Variants in IQSEC1 observed in about 807,000 individuals in gnomAD.
IQSEC1 encodes the protein IQ motif and Sec7 domain ArfGEF 1, also known as IQ motif and SEC7 domain-containing protein 1.
IQSEC1 carries 31 observed loss-of-function variants against 91.0 expected under a neutral mutation model. The ratio of observed to expected loss-of-function variants is 0.34; its 90% CI spans 0.26 to 0.46. The LOEUF is 0.46. Among genes scored for constraint, IQSEC1 ranks in the 20% least tolerant of loss-of-function variants. The probability of loss-of-function intolerance (pLI) is 1.00; values close to 1 mark genes in which losing one functional copy is unlikely to be tolerated. For synonymous variants in IQSEC1, 699 were observed against 662.6 expected (o/e 1.05, Z -0.84); for missense variants, 1,388 against 1,575.6 (o/e 0.88, Z 2.02).
chr3:13,028,878 G>A (rs139298782), intron 1 of IQSEC1, among the ~76,000 whole-genome samples: 3,104 of 152,328 alleles, frequency 0.02, 84 homozygotes, highest in African/African-American at 0.069. Context: ...TAAGGAAGCC[G>A]CAGATCTGGG....
In IQSEC1 at chr3:12,970,696, C is replaced by A. The variant is rs2125540427; in HGVS notation, c.24-28831G>T. Among the ~76,000 whole-genome samples, 1 of 152,324 alleles carries A rather than the reference C, an allele frequency of 6.6e-6. No individual in the cohort carries two copies. Among genetic ancestry groups the A allele is most frequent in the Non-Finnish European group, 1.5e-5 (1 of 68,022 alleles). On this transcript the variant is annotated intron_variant, in intron 1 of 13. Coordinates refer to ENST00000613206, the MANE Select transcript of IQSEC1 (RefSeq NM_001134382.3). This position sits in a 1 kb window ranked among gnomAD's most constrained non-coding sequence, Gnocchi z 4.4. ...AAGCTTCTTTCAGTTCCCCACACTCCCCACTGTGCCTGGCTCACAGCTAGG... is the reference window on the plus strand; with the variant it reads ...AAGCTTCTTTCAGTTCCCCACACTCACCACTGTGCCTGGCTCACAGCTAGG...
intron 1 of IQSEC1, among the ~76,000 whole-genome samples, chr3:13,048,942 G>A (rs1420226226): frequency 6.6e-6 from 1 of 152,192 alleles, no homozygotes; most frequent in Non-Finnish European, 1.5e-5. Flanking sequence ...CTCTACCTGT[G>A]TGGCAGCCAT....
At chr3:13,102,828 C>T (rs1015103712) in intron 2 of IQSEC1, among the ~76,000 whole-genome samples, 43 of 152,286 alleles carry the variant, frequency 2.8e-4, no homozygotes, top group Admixed American at 7.2e-4. Context: ...AGCTCGTTCA[C>T]GGCTGCACCC....
rs535954103 is a variant in IQSEC1 at position 12,970,659 on chromosome 3, T to G, written c.24-28794A>C. ...CTGCCCACTCTATGCCTGCCACACCTCCAGCAACACTAAGCTTCTTTCAGT... is the reference window on the plus strand; with the variant it reads ...CTGCCCACTCTATGCCTGCCACACCGCCAGCAACACTAAGCTTCTTTCAGT... On this transcript the variant is annotated intron_variant, in intron 1 of 13. Coordinates refer to ENST00000613206, the MANE Select transcript of IQSEC1 (RefSeq NM_001134382.3). The surrounding 1 kb of genome is among the most constrained non-coding windows in gnomAD (Gnocchi z 4.4). Among the ~76,000 whole-genome samples, 22 of 152,260 alleles carry G rather than the reference T, an allele frequency of 1.4e-4. No homozygotes were observed. The highest frequency in any genetic ancestry group is 5.3e-4 in the African/African-American group (22 of 41,530).
chr3:13,139,574 A>G (rs1044810719), intron 2 of IQSEC1, among the ~76,000 whole-genome samples: 1 of 152,350 alleles, frequency 6.6e-6, no homozygotes, highest in African/African-American at 2.4e-5. Flanking sequence ...ATTGAGAGAC[A>G]TTACATCCAG....
intron 1 of IQSEC1, among the ~76,000 whole-genome samples, chr3:13,053,582 C>A (rs6781286): frequency 6.6e-6 from 1 of 151,950 alleles, no homozygotes; most frequent in African/African-American, 2.4e-5. Flanking sequence ...CTCTGGGAGT[C>A]GGCTCACAGC....
chr3:13,107,407 C>T (rs759766360), intron 2 of IQSEC1, among the ~76,000 whole-genome samples: 7 of 152,242 alleles, frequency 4.6e-5, no homozygotes, highest in African/African-American at 1.4e-4. Flanking sequence ...CTATACAGCA[C>T]GCAGTGTTAG....
Position 12,979,481 on chromosome 3 carries a change from G to A in IQSEC1, c.24-37616C>T, listed in dbSNP as rs1430247622. ...ATGCTGGATTTGGGTTACAAAAAAGGCGGACACATGCACGCAGCACGCGCA... is the reference window on the plus strand; with the variant it reads ...ATGCTGGATTTGGGTTACAAAAAAGACGGACACATGCACGCAGCACGCGCA... On this transcript the variant is annotated intron_variant, in intron 1 of 13. Coordinates refer to ENST00000613206, the MANE Select transcript of IQSEC1 (RefSeq NM_001134382.3). This position sits in a 1 kb window ranked among gnomAD's most constrained non-coding sequence, Gnocchi z 4.3. Among the ~76,000 whole-genome samples, 1 of 152,196 alleles carries A rather than the reference G, an allele frequency of 6.6e-6. No individual in the cohort carries two copies. Among genetic ancestry groups the A allele is most frequent in the East Asian group, 1.9e-4 (1 of 5,200 alleles).
Position 13,073,071 on chromosome 3 carries a change from G to A in IQSEC1, c.-57C>T. The A allele has an allele frequency of 6.5e-7, 1 of 1,550,080 alleles. No individual in the cohort carries two copies. Among genetic ancestry groups the A allele is most frequent in the Non-Finnish European group, 8.7e-7 (1 of 1,145,592 alleles). ...TCCCTCTCCAGCGGGGAGGCTCAAC[G>A]TGTTTCCAAGAGGAGCAGGCGGCTC... is the stretch of plus-strand genomic sequence containing the variant. On this transcript the variant is annotated 5_prime_UTR_variant, in exon 1 of 14. The change creates a new upstream start codon in the 5' untranslated region. Transcript: ENST00000613206.
At chr3:12,925,850 C>T (rs900749020) in intron 3 of IQSEC1, among the ~76,000 whole-genome samples, 13 of 152,244 alleles carry the variant, frequency 8.5e-5, no homozygotes, top group Non-Finnish European at 1.5e-4. Context: ...GGACATGGCA[C>T]TGACCTTGCT....
intron 1 of IQSEC1, among the ~76,000 whole-genome samples, chr3:13,021,742 A>C (rs930289409): frequency 3.9e-5 from 6 of 152,354 alleles, no homozygotes; most frequent in African/African-American, 1.4e-4. Context: ...GGCCAGGGTC[A>C]CACAGCTGTG....
intron 1 of IQSEC1, among the ~76,000 whole-genome samples, chr3:13,256,068 T>G (rs1695280384): frequency 6.6e-6 from 1 of 152,146 alleles, no homozygotes; most frequent in Non-Finnish European, 1.5e-5. Context: ...TGAGAAACTC[T>G]CAAACAGATG....
At chr3:13,233,372 A>T (rs143109812) in intron 1 of IQSEC1, among the ~76,000 whole-genome samples, 1 of 152,178 alleles carries the variant, frequency 6.6e-6, no homozygotes, top group East Asian at 1.9e-4. Flanking sequence ...AGGCCTCACC[A>T]CTTTGCCTGC....
At chr3:13,261,850 C>T (rs571763308) in intron 1 of IQSEC1, among the ~76,000 whole-genome samples, 162 of 152,338 alleles carry the variant, frequency 1.1e-3, no homozygotes, top group Non-Finnish European at 1.6e-3. Flanking sequence ...TGGGTGGCTG[C>T]GTCCCTAGCA....
At chr3:12,974,468 T>C (rs1398210585) in intron 1 of IQSEC1, among the ~76,000 whole-genome samples, 1 of 152,126 alleles carries the variant, frequency 6.6e-6, no homozygotes, top group East Asian at 1.9e-4. Context: ...CCTAGTTGGG[T>C]GAGCTGGACT....
chr3:12,999,604 C>T (rs145445361), intron 1 of IQSEC1, among the ~76,000 whole-genome samples: 1 of 152,272 alleles, frequency 6.6e-6, no homozygotes, highest in East Asian at 1.9e-4. Context: ...GAAACAAAAC[C>T]GCTCACCCCA....
chr3:12,990,800 T>C (rs1164579573), intron 1 of IQSEC1, among the ~76,000 whole-genome samples: 1 of 152,164 alleles, frequency 6.6e-6, no homozygotes, highest in African/African-American at 2.4e-5. Flanking sequence ...TGTTTTAATA[T>C]TATGCTTCGA....
chr3:13,256,870 AGCACCAGCAGC>A (rs1695295454), intron 1 of IQSEC1, among the ~76,000 whole-genome samples: 1 of 88,760 alleles, frequency 1.1e-5, no homozygotes, highest in African/African-American at 8.6e-5. Flanking sequence ...GAGAGGGTGC[AGCACCAGCAGC>A]GGGTGCAGCA....
At chr3:13,163,631 G>A (rs1469306163) in intron 2 of IQSEC1, among the ~76,000 whole-genome samples, 2 of 152,170 alleles carry the variant, frequency 1.3e-5, no homozygotes, top group Non-Finnish European at 1.5e-5. Context: ...TTGGTGGGGC[G>A]AGGATGGGCA....
Sources: allele counts gnomAD v4.1 joint callset (sites outside exome capture counted in the v4.1 genomes callset), GRCh38; gene constraint gnomAD v4.1.1; non-coding constraint Gnocchi (gnomAD v3.1); transcripts MANE v1.5; gene names NCBI Gene and HGNC (gene_info 2026-07-23, HGNC 2026-07-21).